TNKS: variants seen among roughly 807,000 people sequenced by gnomAD.
TNKS encodes the protein tankyrase.
In TNKS, 72 loss-of-function variants were observed where a neutral mutation model predicts 135.8. The ratio of observed to expected loss-of-function variants is 0.53; its 90% CI spans 0.44 to 0.64. TNKS has a LOEUF of 0.64. Among genes scored for constraint, TNKS ranks in the 30% least tolerant of loss-of-function variants. TNKS has a pLI of 0.00. For missense variants in TNKS, 1,769 were observed against 1,674.0 expected, an observed-to-expected ratio of 1.06 and a Z score of -0.99; for synonymous variants, 849 against 649.3, an observed-to-expected ratio of 1.31 and a Z score of -4.68.
At chr8:9,769,954 A>G (rs1364320842) in intron 25 of TNKS, 152 bp from the exon 26 acceptor site, 1 of 663,658 alleles carries the variant, frequency 1.5e-6, no homozygotes, top group African/African-American at 1.8e-5. Flanking sequence ...TCATTATATC[A>G]AATTCCATCC....
intron 1 of TNKS, among the ~76,000 whole-genome samples, chr8:9,567,005 G>C (rs192359559): frequency 3.3e-5 from 5 of 152,298 alleles, no homozygotes; most frequent in Admixed American, 3.3e-4. Flanking sequence ...AAAATCATTT[G>C]GTCTGTGCTA....
chr8:9,712,754 G>A (rs1455804096), intron 11 of TNKS, among the ~76,000 whole-genome samples: 1 of 151,896 alleles, frequency 6.6e-6, no homozygotes, highest in Non-Finnish European at 1.5e-5. Context: ...GCCAGATGTG[G>A]TGGTGCATTC....
Position 9,755,049 on chromosome 8 carries a change from AC to A in TNKS, c.3153+2425del, listed in dbSNP as rs1806761018. On this transcript the variant is annotated intron_variant, in intron 20 of 26. Coordinates refer to ENST00000310430, the MANE Select transcript of TNKS (RefSeq NM_003747.3). ...TTTCAAACACATCTTTGCTAAATAA[AC>A]CAAAGACCTTAACTCAAACAAATAA... 2.0e-5 allele frequency among the ~76,000 whole-genome samples: 3 copies of A among 152,320 alleles called. No individual in the cohort carries two copies. In the South Asian group the frequency reaches 6.2e-4, roughly 32 times the overall value.
chr8:9,674,835 A>G (rs1802469778), intron 3 of TNKS, among the ~76,000 whole-genome samples: 1 of 152,178 alleles, frequency 6.6e-6, no homozygotes, highest in Admixed American at 6.5e-5. Flanking sequence ...GACAACAAAC[A>G]ACTGTGTTTA....
At position 9,777,511 on chromosome 8, in the gene TNKS, C is replaced by T. The variant is rs1255762938; in HGVS notation, c.*775C>T. The T allele has an allele frequency of 6.6e-6, 1 of 152,190 alleles. No homozygotes were observed. The highest frequency in any genetic ancestry group is 2.4e-5 in the African/African-American group (1 of 41,426). The allele number at this position is 152,190 out of a possible 1,614,324, so 9.4% of individuals were successfully genotyped here. Reference sequence around the variant, plus strand: ...CAGAGAAGTCAAAGCCGGTGAAGGCCACTTGCTCTTTCCAACACAAGCCTG... The same window carrying T: ...CAGAGAAGTCAAAGCCGGTGAAGGCTACTTGCTCTTTCCAACACAAGCCTG... On this transcript the variant is annotated 3_prime_UTR_variant, in exon 27 of 27. Coordinates refer to ENST00000310430, the MANE Select transcript of TNKS (RefSeq NM_003747.3).
chr8:9,711,856 C>T (rs979515135), intron 11 of TNKS, among the ~76,000 whole-genome samples: 9 of 152,112 alleles, frequency 5.9e-5, no homozygotes, highest in Non-Finnish European at 1.2e-4. Context: ...ATGAATCACC[C>T]AGCCGTCATA....
At chr8:9,604,661 T>C (rs1036648337) in intron 2 of TNKS, among the ~76,000 whole-genome samples, 7 of 151,996 alleles carry the variant, frequency 4.6e-5, no homozygotes, top group African/African-American at 1.7e-4. Flanking sequence ...TTAATGAATT[T>C]ATCCTGTTGG....
chr8:9,773,669 C>A lies in TNKS; in HGVS notation c.3898-2981C>A, dbSNP rs3209607. ...GTAAAATTTGACTTGATAATTTAGT[C>A]AGAGTGTCTCATGAAATAATTTTAG... On this transcript the variant is annotated intron_variant, in intron 26 of 26. Coordinates refer to ENST00000310430, the MANE Select transcript of TNKS (RefSeq NM_003747.3). Among the ~76,000 whole-genome samples the A allele has an allele frequency of 6.6e-5, 10 of 151,660 alleles. No individual in the cohort carries two copies. The East Asian group carries it at 1.9e-3, about 29-fold the overall frequency.
intron 3 of TNKS, among the ~76,000 whole-genome samples, chr8:9,663,897 C>G (rs970905006): frequency 6.6e-6 from 1 of 152,182 alleles, no homozygotes; most frequent in African/African-American, 2.4e-5. Context: ...ACACTTTCAA[C>G]CCTGTCCCTT....
intron 20 of TNKS, among the ~76,000 whole-genome samples, chr8:9,756,386 C>G (rs955973320): frequency 6.6e-6 from 1 of 151,882 alleles, no homozygotes; most frequent in African/African-American, 2.4e-5. Context: ...TTTGCAGTGA[C>G]CTTTGCTTTA....
chr8:9,681,587 C>T (rs1253434914), intron 5 of TNKS, among the ~76,000 whole-genome samples: 1 of 151,630 alleles, frequency 6.6e-6, no homozygotes, highest in Non-Finnish European at 1.5e-5. Context: ...AACTAAAAAC[C>T]TAAAACATTT....
chr8:9,714,501 C>T (rs1204053333), intron 11 of TNKS, among the ~76,000 whole-genome samples: 2 of 152,102 alleles, frequency 1.3e-5, no homozygotes, highest in Non-Finnish European at 2.9e-5. Flanking sequence ...TTATAAGACA[C>T]ATATCTAATC....
intron 12 of TNKS, among the ~76,000 whole-genome samples, chr8:9,723,481 G>A (rs1585378375): frequency 6.6e-6 from 1 of 152,110 alleles, no homozygotes; most frequent in African/African-American, 2.4e-5. Flanking sequence ...GTTGCCAGAA[G>A]TTTACATTAA....
intron 1 of TNKS, among the ~76,000 whole-genome samples, chr8:9,565,701 C>T (rs1405362096): frequency 6.6e-6 from 1 of 151,668 alleles, no homozygotes; most frequent in Non-Finnish European, 1.5e-5. Context: ...AATACACACA[C>T]ACAAAATTAG....
At chr8:9,559,220 A>G (rs938534986) in intron 1 of TNKS, among the ~76,000 whole-genome samples, 15 of 152,180 alleles carry the variant, frequency 9.9e-5, no homozygotes, top group African/African-American at 3.6e-4. Flanking sequence ...CTAGAGTGAT[A>G]GGAAACGTAT....
At chr8:9,612,807 A>C (rs901165296) in intron 2 of TNKS, among the ~76,000 whole-genome samples, 2 of 151,906 alleles carry the variant, frequency 1.3e-5, no homozygotes. Flanking sequence ...TTAATAGCCT[A>C]CTATTGACCA....
At chr8:9,741,730 G>A in intron 17 of TNKS, 1 of 529,718 alleles carries the variant, frequency 1.9e-6, no homozygotes, top group Non-Finnish European at 3.9e-6. Flanking sequence ...AATGTACAGT[G>A]GTTCTCTTGT....
intron 5 of TNKS, among the ~76,000 whole-genome samples, chr8:9,700,564 A>T (rs1208773142): frequency 1.3e-5 from 2 of 150,096 alleles, no homozygotes; most frequent in Non-Finnish European, 3.0e-5. Context: ...GTAAACCCAG[A>T]CCTCACATTA....
intron 25 of TNKS, among the ~76,000 whole-genome samples, chr8:9,769,651 G>A (rs538241965): frequency 2.2e-4 from 26 of 116,586 alleles, no homozygotes; most frequent in African/African-American, 6.4e-4. Flanking sequence ...ACGGAGTCTC[G>A]CTCTGTCGCC....
Sources: gnomAD v4.1 joint callset for allele counts (sites outside exome capture counted in the v4.1 genomes callset) on GRCh38, gnomAD v4.1.1 for gene constraint, MANE v1.5 for transcripts, NCBI Gene and HGNC (gene_info 2026-07-23, HGNC 2026-07-21) for gene names.